The following TMTC1 variants were observed in gnomAD, a reference collection of about 807,000 sequenced individuals.
The protein encoded by TMTC1 is transmembrane O-mannosyltransferase targeting cadherins 1, also known as protein O-mannosyl-transferase TMTC1.
In TMTC1, 73 loss-of-function variants were observed where a neutral mutation model predicts 104.8. The observed-to-expected ratio is 0.70, with a 90% CI of 0.58 to 0.85. The LOEUF (loss-of-function observed/expected upper bound fraction) is 0.85. TMTC1 is among the 40% of genes least tolerant of loss of function. The pLI is 0.00. For missense variants in TMTC1, 1,035 were observed against 1,096.1 expected (o/e 0.94, Z 0.79); for synonymous variants, 434 against 428.7 (o/e 1.01, Z -0.15).
At chr12:29,643,664 AT>A (rs1166786413) in intron 5 of TMTC1, among the ~76,000 whole-genome samples, 1 of 10,280 alleles carries the variant, frequency 9.7e-5, no homozygotes, top group Non-Finnish European at 1.4e-4. Flanking sequence ...TATATAATAT[AT>A]AATATATATC....
chr12:29,634,087 C>G (rs1397701356), intron 5 of TMTC1, among the ~76,000 whole-genome samples: 1 of 152,172 alleles, frequency 6.6e-6, no homozygotes, highest in Non-Finnish European at 1.5e-5. Flanking sequence ...ATAGCCTCAG[C>G]ATAAGGCTGT....
rs200183665 is a variant in TMTC1, at chr12:29,502,015, A to C, written c.*4831T>G. The C allele has an allele frequency of 7.1e-6, 1 of 141,150 alleles. No homozygotes were observed. The highest frequency in any genetic ancestry group is 2.4e-5 in the African/African-American group (1 of 40,906). 8.7% of individuals were successfully genotyped at this position (141,150 alleles called of 1,614,324 possible). On this transcript the variant is annotated 3_prime_UTR_variant, in exon 18 of 18. Coordinates refer to ENST00000539277, the MANE Select transcript of TMTC1 (RefSeq NM_001193451.2). Reference sequence around the variant, plus strand: ...TTTTCCTTTTGCATCAAAAACGTCAAGAATAATCATAAAATCTTATAATAT... The same window carrying C: ...TTTTCCTTTTGCATCAAAAACGTCACGAATAATCATAAAATCTTATAATAT...
At chr12:29,764,986 C>G (rs549414335) in intron 2 of TMTC1, among the ~76,000 whole-genome samples, 1 of 152,160 alleles carries the variant, frequency 6.6e-6, no homozygotes, top group South Asian at 2.1e-4. Flanking sequence ...TGTTCTTTCA[C>G]GCAGTAATTG....
In TMTC1 at chr12:29,783,641, GC is replaced by G. The variant is rs1252764695; in HGVS notation, c.110del (p.Ser37ThrfsTer22). On this transcript the variant is annotated frameshift_variant, in exon 1 of 18. Transcript: ENST00000539277. LOFTEE classifies it high-confidence loss of function. The surrounding 1 kb of genome is among the most constrained non-coding windows in gnomAD (Gnocchi z 4.7). Reference protein sequence around the residue: ...AGAAALLAGASCLCYGRSLQG... With the variant: ...AGAAALLAGAXCLCYGRSLQG... The stretch of plus-strand genomic sequence containing the variant: ...GCAGGGAGCGGCCGTAGCACAGGCA[GC>G]TTGCCCCGGCCAGCAGCGCCGCGGC... 1 of 1,432,852 alleles carries G rather than the reference GC, an allele frequency of 7.0e-7. No homozygotes were observed. Among genetic ancestry groups the G allele is most frequent in the African/African-American group, 1.5e-5 (1 of 68,174 alleles). The allele number at this position is 1,432,852 out of a possible 1,614,324, so 88.8% of individuals were successfully genotyped here.
chr12:29,697,023 G>C (rs1941443917), intron 5 of TMTC1, among the ~76,000 whole-genome samples: 1 of 152,164 alleles, frequency 6.6e-6, no homozygotes, highest in Admixed American at 6.6e-5. Context: ...GTATAAACTA[G>C]AATCATAAGT....
At chr12:29,617,389 C>A (rs949674245) in intron 6 of TMTC1, among the ~76,000 whole-genome samples, 4 of 152,104 alleles carry the variant, frequency 2.6e-5, no homozygotes. Flanking sequence ...TGTTTCATTG[C>A]CATCTAAAAA....
intron 3 of TMTC1, 145 bp downstream of exon 3, chr12:29,758,559 A>C: frequency 1.2e-6 from 1 of 814,216 alleles, no homozygotes; most frequent in Admixed American, 2.1e-5. Flanking sequence ...GCACTGGACA[A>C]GCAGAGAGTT....
intron 10 of TMTC1, among the ~76,000 whole-genome samples, chr12:29,539,475 T>C (rs9888419): frequency 0.047 from 7,204 of 152,272 alleles, 581 homozygotes; most frequent in African/African-American, 0.16. Context: ...TCTGCTTTCA[T>C]ATATAAAAAT....
chr12:29,642,358 T>C (rs1032750576), intron 5 of TMTC1, among the ~76,000 whole-genome samples: 1 of 152,104 alleles, frequency 6.6e-6, no homozygotes, highest in South Asian at 2.1e-4. Flanking sequence ...CCAGGTAACC[T>C]TTAAGGAAAA....
At chr12:29,661,156 T>C (rs1477782605) in intron 5 of TMTC1, among the ~76,000 whole-genome samples, 3 of 152,160 alleles carry the variant, frequency 2.0e-5, no homozygotes, top group African/African-American at 4.8e-5. Context: ...CACAGGAAAG[T>C]TGGGAGGAAC....
At chr12:29,517,710 G>T in intron 13 of TMTC1, 139 bp from the exon 14 acceptor site, 1 of 1,011,298 alleles carries the variant, frequency 9.9e-7, no homozygotes, top group East Asian at 2.5e-5. Context: ...CAATAACAAG[G>T]TTTTTGGCTT....
At chr12:29,695,507 A>G (rs1393230347) in intron 5 of TMTC1, among the ~76,000 whole-genome samples, 2 of 151,708 alleles carry the variant, frequency 1.3e-5, no homozygotes, top group Admixed American at 6.6e-5. Flanking sequence ...GGGTTTCACC[A>G]TGTTGGCCAG....
intron 9 of TMTC1, among the ~76,000 whole-genome samples, chr12:29,560,427 C>A (rs1048479068): frequency 6.6e-6 from 1 of 151,742 alleles, no homozygotes; most frequent in Non-Finnish European, 1.5e-5. Context: ...TCCAATCATT[C>A]TGGGGTACAA....
chr12:29,516,053 C>T (rs1336877984), intron 15 of TMTC1, among the ~76,000 whole-genome samples: 3 of 151,472 alleles, frequency 2.0e-5, no homozygotes, highest in Admixed American at 2.0e-4. Flanking sequence ...AAGGAAAATA[C>T]AAAATAATAA....
At chr12:29,546,649 G>A (rs995081287) in intron 10 of TMTC1, among the ~76,000 whole-genome samples, 3 of 152,132 alleles carry the variant, frequency 2.0e-5, no homozygotes, top group African/African-American at 7.2e-5. Context: ...CTCCTACTGG[G>A]CTTTAGAAAA....
chr12:29,591,339 G>A (rs1370455188), intron 7 of TMTC1, among the ~76,000 whole-genome samples: 1 of 152,140 alleles, frequency 6.6e-6, no homozygotes, highest in Non-Finnish European at 1.5e-5. Context: ...AATGAGAAAC[G>A]ACATGCTTTC....
In TMTC1 at chr12:29,783,856, CAT is replaced by C; in HGVS notation, c.-107_-106del. On this transcript the variant is annotated 5_prime_UTR_variant, in exon 1 of 18. The change abolishes an upstream ATG in the 5' untranslated region. Transcript: ENST00000539277. The surrounding 1 kb of genome is among the most constrained non-coding windows in gnomAD (Gnocchi z 4.7). The stretch of plus-strand genomic sequence containing the variant: ...GCGTCTGCCCGGAGGGGGGCTCGGG[CAT>C]GGTGCTGCGGCAGCTGGACCCGCCG... The C allele has an allele frequency of 2.0e-6, 2 of 1,025,262 alleles. No homozygotes were observed. The highest frequency in any genetic ancestry group is 9.3e-5 in the South Asian group (2 of 21,416). The allele number at this position is 1,025,262 out of a possible 1,614,324, so 63.5% of individuals were successfully genotyped here.
At chr12:29,658,164 A>AAAC (rs1200609256) in intron 5 of TMTC1, among the ~76,000 whole-genome samples, 9 of 152,148 alleles carry the variant, frequency 5.9e-5, no homozygotes, top group Non-Finnish European at 1.3e-4. Flanking sequence ...AGATATGAAT[A>AAAC]AACTAAAATA....
At chr12:29,764,689 C>T (rs1943424534) in intron 2 of TMTC1, among the ~76,000 whole-genome samples, 1 of 152,140 alleles carries the variant, frequency 6.6e-6, no homozygotes, top group African/African-American at 2.4e-5. Context: ...CCTTCTTAGA[C>T]TTCCCTCAGA....
Sources: gnomAD v4.1 joint callset for allele counts (sites outside exome capture counted in the v4.1 genomes callset) on GRCh38, gnomAD v4.1.1 for gene constraint, Gnocchi (gnomAD v3.1) non-coding constraint, MANE v1.5 for transcripts, NCBI Gene and HGNC (gene_info 2026-07-23, HGNC 2026-07-21) for gene names.